NT5C3A: variants seen among roughly 807,000 people sequenced by gnomAD.
NT5C3A encodes cytosolic 5'-nucleotidase 3A.
Under a neutral mutation model 40.0 loss-of-function variants are expected in NT5C3A, and 23 were observed. The ratio of observed to expected loss-of-function variants is 0.58; its 90% CI spans 0.41 to 0.81. The LOEUF is 0.81. Among genes scored for constraint, NT5C3A ranks in the 40% least tolerant of loss-of-function variants. The pLI is 0.00. For missense variants in NT5C3A, 328 were observed against 403.0 expected (o/e 0.81, Z 1.59); for synonymous variants, 130 against 141.4 (o/e 0.92, Z 0.57).
At chr7:33,036,090 G>C in intron 1 of NT5C3A, 1 of 887,054 alleles carries the variant, frequency 1.1e-6, no homozygotes, top group Non-Finnish European at 1.9e-6. Flanking sequence ...ATATATTAAG[G>C]TGGAATTTTT....
At chr7:33,023,316 T>C (rs1583906305) in intron 3 of NT5C3A, among the ~76,000 whole-genome samples, 2 of 152,124 alleles carry the variant, frequency 1.3e-5, no homozygotes, top group East Asian at 1.9e-4. Context: ...TGGAGCGCAG[T>C]TGTGCAATCT....
At chr7:33,039,555 G>GCTTTT (rs1786796957) in intron 1 of NT5C3A, among the ~76,000 whole-genome samples, 1 of 70,018 alleles carries the variant, frequency 1.4e-5, no homozygotes, top group Admixed American at 2.2e-4. Context: ...TTAAGCTTGG[G>GCTTTT]TTTTTTGTTT....
At chr7:33,055,012 T>C (rs1421761028) in intron 1 of NT5C3A, among the ~76,000 whole-genome samples, 1 of 152,190 alleles carries the variant, frequency 6.6e-6, no homozygotes, top group Non-Finnish European at 1.5e-5. Context: ...AATGAATATA[T>C]CTTTACTCGG....
At chr7:33,020,888 A>C (rs1785588998) in intron 5 of NT5C3A, among the ~76,000 whole-genome samples, 1 of 152,050 alleles carries the variant, frequency 6.6e-6, no homozygotes, top group Non-Finnish European at 1.5e-5. Context: ...TGATTAATGC[A>C]ACCAAAGGTC....
intron 1 of NT5C3A, among the ~76,000 whole-genome samples, chr7:33,033,952 C>T (rs890425165): frequency 8.8e-5 from 13 of 148,288 alleles, no homozygotes; most frequent in Admixed American, 1.4e-4. Context: ...AGTGCAGTGG[C>T]GCCTCTCAGC....
chr7:33,048,079 G>A (rs1158207548), intron 1 of NT5C3A, among the ~76,000 whole-genome samples: 1 of 151,918 alleles, frequency 6.6e-6, no homozygotes, highest in Admixed American at 6.6e-5. Flanking sequence ...TAGAGGAAAT[G>A]ACATTTATGT....
intron 1 of NT5C3A, among the ~76,000 whole-genome samples, chr7:33,042,168 C>A (rs1012821353): frequency 6.6e-6 from 1 of 152,074 alleles, no homozygotes; most frequent in Non-Finnish European, 1.5e-5. Flanking sequence ...GAAACCCCAT[C>A]TCTACCAAAA....
At chr7:33,045,224 T>G (rs1001994437) in intron 1 of NT5C3A, among the ~76,000 whole-genome samples, 1 of 152,194 alleles carries the variant, frequency 6.6e-6, no homozygotes, top group African/African-American at 2.4e-5. Context: ...TGCTGCATGA[T>G]GTAAATAGAA....
At chr7:33,027,903 T>G (rs1398929461) in intron 1 of NT5C3A, among the ~76,000 whole-genome samples, 1 of 151,756 alleles carries the variant, frequency 6.6e-6, no homozygotes, top group Non-Finnish European at 1.5e-5. Context: ...CTGGCTTTTA[T>G]GAATTAATAC....
chr7:33,062,439 C>T (rs1254038291), intron 1 of NT5C3A, 129 bp downstream of exon 1: 4 of 837,332 alleles, frequency 4.8e-6, no homozygotes, highest in Non-Finnish European at 7.5e-6. Flanking sequence ...TAGCGAGATC[C>T]CAGCCTGACA....
In NT5C3A at chr7:33,015,748, G is replaced by A. The variant is rs748749056; in HGVS notation, c.816C>T (p.Asp272=). The A allele has an allele frequency of 3.7e-5, 59 of 1,610,788 alleles. No individual in the cohort carries two copies. In the South Asian group the frequency reaches 5.6e-4, roughly 15 times the overall value. ...CTGCCATTCTTAAGTCTCCTTGGGA[G>A]TCTCCCAGAAGAATTATGTTACTAT... ...KDNSNIILLG[D]SQGDLRMADG... The change falls in exon 8 of 9, where the codon GAC becomes GAT. Residue 272 remains aspartate (D), a synonymous_variant. Coordinates refer to ENST00000610140, the MANE Select transcript of NT5C3A (RefSeq NM_001002010.5).
At chr7:33,017,126 T>C (rs1047713433) in intron 7 of NT5C3A, 4 of 292,506 alleles carry the variant, frequency 1.4e-5, no homozygotes, top group African/African-American at 2.3e-5. Context: ...GAGGTTACAA[T>C]GTGCTGAGAT....
chr7:33,049,612 A>C (rs558644839), intron 1 of NT5C3A, among the ~76,000 whole-genome samples: 1 of 152,312 alleles, frequency 6.6e-6, no homozygotes, highest in East Asian at 1.9e-4. Context: ...TTTTATGTAC[A>C]TATTGTACAC....
chr7:33,032,072 C>A (rs1050448573), intron 1 of NT5C3A, among the ~76,000 whole-genome samples: 1 of 151,734 alleles, frequency 6.6e-6, no homozygotes, highest in African/African-American at 2.4e-5. Context: ...TTGCAGTGAG[C>A]CGAGATGGCA....
chr7:33,030,389 G>C (rs1161424792), intron 1 of NT5C3A, among the ~76,000 whole-genome samples: 1 of 152,052 alleles, frequency 6.6e-6, no homozygotes, highest in Non-Finnish European at 1.5e-5. Flanking sequence ...CACAGACTTG[G>C]TTTGGTGGCA....
At chr7:33,025,914 G>T (rs1288038107) in intron 2 of NT5C3A, among the ~76,000 whole-genome samples, 1 of 152,210 alleles carries the variant, frequency 6.6e-6, no homozygotes, top group African/African-American at 2.4e-5. Flanking sequence ...GCTGGGCCAT[G>T]ATGGCTCACG....
chr7:33,032,210 G>A (rs1786305189), intron 1 of NT5C3A, among the ~76,000 whole-genome samples: 2 of 151,962 alleles, frequency 1.3e-5, no homozygotes. Flanking sequence ...GATCACCAGA[G>A]GTCGGGAGTT....
chr7:33,062,515 A>T, intron 1 of NT5C3A, 53 bp downstream of exon 1: 2 of 1,523,396 alleles, frequency 1.3e-6, no homozygotes, highest in Non-Finnish European at 1.8e-6. Context: ...AGGCCAGCGG[A>T]CGGCCCAGCC....
At chr7:33,016,573 G>T (rs1481741819) in intron 7 of NT5C3A, among the ~76,000 whole-genome samples, 1 of 150,118 alleles carries the variant, frequency 6.7e-6, no homozygotes, top group African/African-American at 2.5e-5. Flanking sequence ...GGAGGCTGAG[G>T]TAGGGAGAAT....
Sources: gnomAD v4.1 joint callset for allele counts (sites outside exome capture counted in the v4.1 genomes callset) on GRCh38, gnomAD v4.1.1 for gene constraint, MANE v1.5 for transcripts, NCBI Gene and HGNC (gene_info 2026-07-23, HGNC 2026-07-21) for gene names.